The following DMD variants were observed in gnomAD, a reference collection of about 807,000 sequenced individuals.
DMD encodes mutant dystrophin.
Under a neutral mutation model 330.1 loss-of-function variants are expected in DMD, and 63 were observed. The ratio of observed to expected loss-of-function variants is 0.19; its 90% CI spans 0.16 to 0.24. DMD has a LOEUF of 0.24. Among genes scored for constraint, DMD ranks in the 10% least tolerant of loss-of-function variants. The probability of loss-of-function intolerance (pLI) is 1.00; values close to 1 mark genes in which losing one functional copy is unlikely to be tolerated. For synonymous variants in DMD, 1,223 were observed against 959.8 expected (o/e 1.27, Z -5.07); for missense variants, 3,344 against 2,684.1 (o/e 1.25, Z -5.43).
At chrX:32,689,687 A>C (rs958016404) in intron 9 of DMD, among the ~76,000 whole-genome samples, 5 of 111,133 alleles carry the variant, frequency 4.5e-5, no homozygotes, top group Admixed American at 9.6e-5. Context: ...ACACATTAAA[A>C]GGATCATATA....
At chrX:32,955,954 G>C (rs971612195) in intron 2 of DMD, among the ~76,000 whole-genome samples, 33 of 111,919 alleles carry the variant, frequency 2.9e-4, no homozygotes, top group African/African-American at 1.1e-3. Flanking sequence ...CTGTAGTATA[G>C]TTTGAAGTCA....
intron 13 of DMD, among the ~76,000 whole-genome samples, chrX:32,585,133 A>C (rs943436042): frequency 9.0e-6 from 1 of 111,267 alleles, no homozygotes; most frequent in Non-Finnish European, 1.9e-5. Context: ...GGGAGCTAAA[A>C]AATTGGATCT....
chrX:31,331,796 C>T (rs748099215), intron 61 of DMD, among the ~76,000 whole-genome samples: 2 of 111,825 alleles, frequency 1.8e-5, no homozygotes, highest in South Asian at 3.8e-4. Flanking sequence ...ATTTGCTGAA[C>T]GCTCTCTGTG....
At chrX:31,403,884 C>T (rs2061300440) in intron 60 of DMD, among the ~76,000 whole-genome samples, 1 of 111,691 alleles carries the variant, frequency 9.0e-6, no homozygotes, top group Non-Finnish European at 1.9e-5. Context: ...TAAATATTTA[C>T]ACCAAACAGT....
At chrX:32,670,715 G>GT (rs2061580393) in intron 9 of DMD, among the ~76,000 whole-genome samples, 1 of 112,260 alleles carries the variant, frequency 8.9e-6, no homozygotes, top group Admixed American at 9.5e-5. Context: ...TTGAGAAGAT[G>GT]TAATTATTTG....
chrX:32,279,299 C>A (rs1049234250), intron 43 of DMD, among the ~76,000 whole-genome samples: 1 of 111,429 alleles, frequency 9.0e-6, no homozygotes, highest in Non-Finnish European at 1.9e-5. Context: ...ATCCAGCAAT[C>A]CCACTGCTGG....
intron 55 of DMD, among the ~76,000 whole-genome samples, chrX:31,577,782 C>T (rs1039155992): frequency 9.0e-6 from 1 of 111,556 alleles, no homozygotes; most frequent in African/African-American, 3.3e-5. Context: ...TGTTTTAGCT[C>T]CATGATGCCA....
At chrX:32,628,515 A>G (rs1250514772) in intron 11 of DMD, among the ~76,000 whole-genome samples, 4 of 107,871 alleles carry the variant, frequency 3.7e-5, no homozygotes, top group Non-Finnish European at 7.7e-5. Context: ...ACTTTAATGT[A>G]TTTCAGCTCT....
chrX:31,725,735 A>G (rs1015207143), intron 52 of DMD, among the ~76,000 whole-genome samples: 8 of 111,907 alleles, frequency 7.1e-5, no homozygotes, highest in South Asian at 3.8e-4. Flanking sequence ...CCGAAATGGT[A>G]GTGGTGGGGG....
intron 44 of DMD, among the ~76,000 whole-genome samples, chrX:32,174,715 T>G (rs1349960252): frequency 9.0e-6 from 1 of 111,727 alleles, no homozygotes; most frequent in Non-Finnish European, 1.9e-5. Flanking sequence ...ACGTATATTT[T>G]ATTTTCAAAG....
intron 19 of DMD, among the ~76,000 whole-genome samples, chrX:32,494,355 T>C (rs1172178751): frequency 9.0e-6 from 1 of 111,301 alleles, no homozygotes; most frequent in African/African-American, 3.3e-5. Flanking sequence ...GCAATGAAAA[T>C]GCAGTGATAG....
At chrX:31,617,534 CAAAAA>C (rs749572753) in intron 55 of DMD, among the ~76,000 whole-genome samples, 5 of 32,049 alleles carry the variant, frequency 1.6e-4, no homozygotes, top group African/African-American at 3.3e-4. Context: ...GACTTCGTCT[CAAAAA>C]AAAAAAAAAA....
chrX:32,534,301 G>A (rs1256937286), intron 17 of DMD, among the ~76,000 whole-genome samples: 4 of 111,568 alleles, frequency 3.6e-5, no homozygotes, highest in African/African-American at 9.8e-5. Flanking sequence ...GTAAACTCCA[G>A]TGCTGGAAAT....
Position 32,355,564 on chromosome X carries a change from A to C in DMD, c.5326-7036T>G, listed in dbSNP as rs774081078. On this transcript the variant is annotated intron_variant, in intron 37 of 78. Coordinates refer to ENST00000357033, the MANE Select transcript of DMD (RefSeq NM_004006.3). The stretch of plus-strand genomic sequence containing the variant: ...GCTCACCAAACTCAATTACACATCT[A>C]CTTTAAAAATATTTTACATGGTTAC... Among the ~76,000 whole-genome samples the C allele has an allele frequency of 4.5e-5, 5 of 111,889 alleles. No individual in the cohort carries two copies. In the East Asian group the frequency reaches 1.1e-3, roughly 25 times the overall value.
intron 43 of DMD, among the ~76,000 whole-genome samples, chrX:32,241,132 A>G (rs187911982): frequency 2.9e-4 from 32 of 111,774 alleles, no homozygotes; most frequent in African/African-American, 1.0e-3. Flanking sequence ...AATTTGGGAG[A>G]GAGAGAAGAT....
At chrX:31,661,392 C>G (rs2081117982) in intron 53 of DMD, among the ~76,000 whole-genome samples, 1 of 110,042 alleles carries the variant, frequency 9.1e-6, no homozygotes, top group South Asian at 3.9e-4. Flanking sequence ...AAAGACATTC[C>G]CCACACAGAA....
chrX:32,928,989 A>G (rs1161372069), intron 2 of DMD, among the ~76,000 whole-genome samples: 1 of 111,784 alleles, frequency 8.9e-6, no homozygotes, highest in Non-Finnish European at 1.9e-5. Flanking sequence ...AATTTCAAAC[A>G]TTAGTCAATA....
chrX:33,194,417 T>C (rs772847584), intron 1 of DMD, among the ~76,000 whole-genome samples: 10 of 110,593 alleles, frequency 9.0e-5, no homozygotes, highest in African/African-American at 2.9e-4. Flanking sequence ...GAGATCAAAA[T>C]TGGGTTATAT....
At chrX:32,761,821 A>G (rs1421388717) in intron 7 of DMD, among the ~76,000 whole-genome samples, 2 of 111,350 alleles carry the variant, frequency 1.8e-5, no homozygotes, top group African/African-American at 6.5e-5. Flanking sequence ...TTAACAGTTT[A>G]TAACGTCTTC....
Sources: allele counts gnomAD v4.1 joint callset (sites outside exome capture counted in the v4.1 genomes callset), GRCh38; gene constraint gnomAD v4.1.1; transcripts MANE v1.5; gene names NCBI Gene and HGNC (gene_info 2026-07-23, HGNC 2026-07-21).